DOCK3: variants seen among roughly 807,000 people sequenced by gnomAD.
DOCK3 encodes dedicator of cytokinesis 3.
DOCK3 carries 60 observed loss-of-function variants against 265.6 expected under a neutral mutation model. The ratio of observed to expected loss-of-function variants is 0.23; its 90% CI spans 0.18 to 0.28. The LOEUF (loss-of-function observed/expected upper bound fraction) is 0.28. Among genes scored for constraint, DOCK3 ranks in the 10% least tolerant of loss-of-function variants. The pLI is 1.00. For synonymous variants in DOCK3, 881 were observed against 938.0 expected (o/e 0.94, Z 1.11); for missense variants, 1,981 against 2,594.3 (o/e 0.76, Z 5.14).
intron 12 of DOCK3, among the ~76,000 whole-genome samples, chr3:51,160,969 A>G (rs1041816164): frequency 4.0e-5 from 6 of 151,778 alleles, no homozygotes; most frequent in Admixed American, 1.3e-4. Context: ...CCAGCTACTC[A>G]GGAGGCTGAG....
intron 2 of DOCK3, among the ~76,000 whole-genome samples, chr3:50,818,801 G>A (rs577950283): frequency 1.1e-4 from 17 of 152,186 alleles, no homozygotes; most frequent in Non-Finnish European, 1.5e-4. Flanking sequence ...TGTGGTGGCA[G>A]TCAGGTGTCC....
chr3:50,906,921 C>G (rs1195242779), intron 4 of DOCK3, among the ~76,000 whole-genome samples: 1 of 152,118 alleles, frequency 6.6e-6, no homozygotes, highest in Non-Finnish European at 1.5e-5. Flanking sequence ...CTACACACTG[C>G]TTTGAATGTG....
intron 2 of DOCK3, among the ~76,000 whole-genome samples, chr3:50,785,652 G>A (rs1223705433): frequency 6.6e-6 from 1 of 151,992 alleles, no homozygotes; most frequent in East Asian, 1.9e-4. Flanking sequence ...CTGTGTTCCT[G>A]GTATGAAACC....
intron 5 of DOCK3, among the ~76,000 whole-genome samples, chr3:51,018,126 A>G (rs968241151): frequency 6.6e-6 from 1 of 151,634 alleles, no homozygotes; most frequent in African/African-American, 2.4e-5. Flanking sequence ...TCCTGACCTC[A>G]AGTGATCCAC....
At chr3:51,109,397 A>C (rs1019309780) in intron 9 of DOCK3, among the ~76,000 whole-genome samples, 3 of 152,196 alleles carry the variant, frequency 2.0e-5, no homozygotes, top group African/African-American at 7.2e-5. Context: ...ACTTTATTGC[A>C]CTAAACACTC....
At chr3:50,893,864 A>G (rs942326714) in intron 4 of DOCK3, among the ~76,000 whole-genome samples, 2 of 151,592 alleles carry the variant, frequency 1.3e-5, no homozygotes, top group Non-Finnish European at 2.9e-5. Flanking sequence ...TCAGCACAGT[A>G]TCACAAGGAC....
At chr3:51,285,020 A>G (rs2081332336) in intron 27 of DOCK3, among the ~76,000 whole-genome samples, 1 of 152,240 alleles carries the variant, frequency 6.6e-6, no homozygotes, top group Non-Finnish European at 1.5e-5. Flanking sequence ...TGGAGCATGC[A>G]TCCAACACTT....
At chr3:51,071,048 G>A (rs1034943735) in intron 6 of DOCK3, among the ~76,000 whole-genome samples, 2 of 152,168 alleles carry the variant, frequency 1.3e-5, no homozygotes, top group African/African-American at 4.8e-5. Flanking sequence ...AGTATCCATT[G>A]TATATAATTA....
chr3:50,989,255 G>A (rs142267177), intron 5 of DOCK3, among the ~76,000 whole-genome samples: 3 of 152,202 alleles, frequency 2.0e-5, no homozygotes, highest in South Asian at 2.1e-4. Flanking sequence ...ATGACCTTTC[G>A]GCAAAGCTAC....
chr3:50,897,393 G>A (rs2048949975), intron 4 of DOCK3, among the ~76,000 whole-genome samples: 1 of 152,070 alleles, frequency 6.6e-6, no homozygotes, highest in Non-Finnish European at 1.5e-5. Flanking sequence ...TGACACGATG[G>A]GGTTTTCTAA....
At chr3:51,061,016 C>A (rs2109237053) in intron 5 of DOCK3, among the ~76,000 whole-genome samples, 1 of 152,232 alleles carries the variant, frequency 6.6e-6, no homozygotes, top group South Asian at 2.1e-4. Context: ...AATGAGATAC[C>A]ATCTCACACC....
At chr3:50,886,100 T>G (rs1422039455) in intron 3 of DOCK3, among the ~76,000 whole-genome samples, 1 of 151,692 alleles carries the variant, frequency 6.6e-6, no homozygotes, top group Non-Finnish European at 1.5e-5. Context: ...AACTAGGGAA[T>G]TCACCACTAT....
At chr3:50,707,435 T>G (rs1260639818) in intron 1 of DOCK3, among the ~76,000 whole-genome samples, 1 of 136,900 alleles carries the variant, frequency 7.3e-6, no homozygotes, top group Non-Finnish European at 1.6e-5. Context: ...AGACTCTGTC[T>G]AAAAAAAAAA....
chr3:51,310,141 T>G, intron 27 of DOCK3, 91 bp from the exon 28 acceptor site: 1 of 951,474 alleles, frequency 1.1e-6, no homozygotes, highest in Non-Finnish European at 1.7e-6. Flanking sequence ...GTCCCACCCA[T>G]TGTCATGATC....
chr3:50,800,145 G>A (rs1290712856), intron 2 of DOCK3, among the ~76,000 whole-genome samples: 1 of 152,188 alleles, frequency 6.6e-6, no homozygotes, highest in Non-Finnish European at 1.5e-5. Flanking sequence ...ATATTGGCAT[G>A]TAGTTTTCTT....
intron 5 of DOCK3, among the ~76,000 whole-genome samples, chr3:50,995,751 A>G (rs2078257461): frequency 6.6e-6 from 1 of 152,190 alleles, no homozygotes; most frequent in African/African-American, 2.4e-5. Flanking sequence ...GAAAGACAGT[A>G]GGGGCATAAT....
intron 3 of DOCK3, among the ~76,000 whole-genome samples, chr3:50,864,495 C>T (rs1381443469): frequency 6.6e-6 from 1 of 152,088 alleles, no homozygotes; most frequent in East Asian, 1.9e-4. Flanking sequence ...TTTTTCAGGG[C>T]TTCCCCAACA....
Position 51,064,547 on chromosome 3 carries a change from G to T in DOCK3, c.415G>T (p.Val139Leu). 1 of 1,613,998 alleles carries T rather than the reference G, an allele frequency of 6.2e-7. No individual in the cohort carries two copies. Reference sequence around the variant, plus strand: ...GTCTGGTCACCTGACTCAGGATCAGGTGCGGGAGGTTAAGCGGCACATCAC... The same window carrying T: ...GTCTGGTCACCTGACTCAGGATCAGTTGCGGGAGGTTAAGCGGCACATCAC... ...LLSGHLTQDQ[V>L]REVKRHITVR... The change falls in exon 6 of 53, where the codon GTG becomes TTG. Residue 139 changes from valine to leucine, a missense_variant. By Grantham distance (32) the Val-to-Leu change is conservative (BLOSUM62 1). Transcript: ENST00000266037.
chr3:51,133,315 C>T (rs2106992917), intron 9 of DOCK3, among the ~76,000 whole-genome samples: 1 of 105,024 alleles, frequency 9.5e-6, no homozygotes, highest in South Asian at 4.3e-4. Flanking sequence ...CCTCCCCCCT[C>T]CCCCCACCCC....
Sources: gnomAD v4.1 joint callset for allele counts (sites outside exome capture counted in the v4.1 genomes callset) on GRCh38, gnomAD v4.1.1 for gene constraint, MANE v1.5 for transcripts, NCBI Gene and HGNC (gene_info 2026-07-23, HGNC 2026-07-21) for gene names.